Variants in FAAH2 observed in about 807,000 individuals in gnomAD.
FAAH2 encodes fatty-acid amide hydrolase 2.
FAAH2 carries 60 observed loss-of-function variants against 36.9 expected under a neutral mutation model. The observed-to-expected ratio is 1.63, with a 90% confidence interval of 1.32 to 2.02. The LOEUF is 2.02. Ranked by LOEUF, FAAH2 falls within the 30% of genes most tolerant of loss-of-function variation. FAAH2 has a pLI of 0.00. For synonymous variants in FAAH2, 214 were observed against 143.8 expected (o/e 1.49, Z -3.49); for missense variants, 689 against 397.5 (o/e 1.73, Z -6.23).
At chrX:57,428,818 C>A (rs1302308126) in intron 7 of FAAH2, among the ~76,000 whole-genome samples, 1 of 111,946 alleles carries the variant, frequency 8.9e-6, no homozygotes, top group Non-Finnish European at 1.9e-5. Context: ...TTCTGAACAT[C>A]ATTTTTGGCA....
the FAAH2 span, among the ~76,000 whole-genome samples, chrX:57,246,831 C>T: frequency 9.0e-6 from 1 of 111,423 alleles, no homozygotes; most frequent in East Asian, 2.8e-4. Context: ...ACTCAAAACA[C>T]TTTTGAGTTG....
chrX:57,219,665 C>A, the FAAH2 span, among the ~76,000 whole-genome samples: 2 of 110,826 alleles, frequency 1.8e-5, no homozygotes, highest in Non-Finnish European at 3.8e-5. Context: ...AAAAAGGCAG[C>A]AGTGATGATG....
chrX:57,245,693 A>T, the FAAH2 span, among the ~76,000 whole-genome samples: 1 of 112,617 alleles, frequency 8.9e-6, no homozygotes, highest in African/African-American at 3.2e-5. Flanking sequence ...ACAAAAACAC[A>T]ATGTGGCAGA....
chrX:57,345,819 T>A (rs2053806625), intron 5 of FAAH2, among the ~76,000 whole-genome samples: 1 of 111,875 alleles, frequency 8.9e-6, no homozygotes, highest in African/African-American at 3.2e-5. Context: ...TTTGGTAAGT[T>A]ATTTTTTATT....
chrX:57,236,343 C>A, the FAAH2 span, among the ~76,000 whole-genome samples: 5 of 112,204 alleles, frequency 4.5e-5, no homozygotes, highest in African/African-American at 1.3e-4. Context: ...ATTTAAATAT[C>A]TTTCCATATA....
chrX:57,360,029 G>T (rs979883016), intron 5 of FAAH2, among the ~76,000 whole-genome samples: 1 of 107,701 alleles, frequency 9.3e-6, no homozygotes, highest in Non-Finnish European at 1.9e-5. Flanking sequence ...GTACTGTAAG[G>T]TTTCTGCTGG....
At chrX:57,211,223 G>A in the FAAH2 span, among the ~76,000 whole-genome samples, 2 of 111,888 alleles carry the variant, frequency 1.8e-5, no homozygotes, top group African/African-American at 3.2e-5. Context: ...TAAGGTTGAA[G>A]CACAAGAGTA....
At chrX:57,137,642 A>G in the FAAH2 span, 29 of 111,156 alleles carry the variant, frequency 2.6e-4, no homozygotes, top group Admixed American at 2.5e-3. Context: ...CCTTTCCACA[A>G]TTCACAACAG....
the FAAH2 span, among the ~76,000 whole-genome samples, chrX:57,264,706 C>T: frequency 8.9e-6 from 1 of 112,502 alleles, no homozygotes; most frequent in Non-Finnish European, 1.9e-5. Flanking sequence ...GTACATAAAT[C>T]ATTCTATCAT....
At chrX:57,335,181 C>G (rs953555233) in intron 4 of FAAH2, among the ~76,000 whole-genome samples, 1 of 111,867 alleles carries the variant, frequency 8.9e-6, no homozygotes, top group African/African-American at 3.2e-5. Context: ...ATGGGTTGCC[C>G]CTCCACACCT....
At chrX:57,362,019 A>G (rs747230165) in intron 5 of FAAH2, among the ~76,000 whole-genome samples, 103 of 111,674 alleles carry the variant, frequency 9.2e-4, no homozygotes, top group African/African-American at 3.3e-3. Flanking sequence ...TCAGACTATC[A>G]GAGCTCCTCA....
chrX:57,197,048 C>T, the FAAH2 span, among the ~76,000 whole-genome samples: 6 of 111,417 alleles, frequency 5.4e-5, no homozygotes, highest in Admixed American at 9.5e-5. Flanking sequence ...TCCCAAGCTT[C>T]CTGGATGTTT....
At chrX:57,444,937 C>A (rs1264113890) in intron 8 of FAAH2, among the ~76,000 whole-genome samples, 1 of 111,840 alleles carries the variant, frequency 8.9e-6, no homozygotes, top group Non-Finnish European at 1.9e-5. Context: ...ATTTTCAATT[C>A]TCTGCCTGAC....
chrX:57,208,384 C>G, the FAAH2 span, among the ~76,000 whole-genome samples: 2 of 112,361 alleles, frequency 1.8e-5, no homozygotes, highest in African/African-American at 3.2e-5. Context: ...AGAGCCCACA[C>G]TTGTCCCATT....
intron 5 of FAAH2, among the ~76,000 whole-genome samples, chrX:57,342,066 G>C (rs2053700407): frequency 9.0e-6 from 1 of 111,665 alleles, no homozygotes; most frequent in Non-Finnish European, 1.9e-5. Flanking sequence ...TAGTAAAGCA[G>C]AATATTTTGA....
At chrX:57,393,617 G>C in intron 7 of FAAH2, 1 of 889,725 alleles carries the variant, frequency 1.1e-6, no homozygotes, top group South Asian at 2.0e-5. Context: ...CACTATCAAT[G>C]CACCACTCAC....
intron 5 of FAAH2, among the ~76,000 whole-genome samples, chrX:57,376,714 G>T (rs770641667): frequency 8.9e-6 from 1 of 111,805 alleles, no homozygotes; most frequent in Non-Finnish European, 1.9e-5. Context: ...GTTCTAGATC[G>T]TTGAGGAATC....
At chrX:57,373,017 C>T (rs1028948710) in intron 5 of FAAH2, among the ~76,000 whole-genome samples, 1 of 111,381 alleles carries the variant, frequency 9.0e-6, no homozygotes, top group African/African-American at 3.3e-5. Flanking sequence ...GAATAATGGT[C>T]TCTAATTCCA....
the FAAH2 span, among the ~76,000 whole-genome samples, chrX:57,163,979 T>G: frequency 1.8e-5 from 2 of 112,244 alleles, no homozygotes; most frequent in African/African-American, 6.5e-5. Flanking sequence ...TGGTAAATAT[T>G]AGGTATAATA....
Sources: gnomAD v4.1 joint callset for allele counts (sites outside exome capture counted in the v4.1 genomes callset) on GRCh38, gnomAD v4.1.1 for gene constraint, MANE v1.5 for transcripts, NCBI Gene and HGNC (gene_info 2026-07-23, HGNC 2026-07-21) for gene names.